The following RBM6 variants were observed in gnomAD, a reference collection of about 807,000 sequenced individuals.
RBM6 encodes RNA-binding protein 6.
A neutral mutation model predicts 140.4 loss-of-function variants in RBM6; 23 were observed. The ratio of observed to expected loss-of-function variants is 0.16; its 90% CI spans 0.12 to 0.23. The LOEUF is 0.23. Among genes scored for constraint, RBM6 ranks in the 10% least tolerant of loss-of-function variants. RBM6 has a pLI of 1.00. For synonymous variants in RBM6, 439 were observed against 475.6 expected (o/e 0.92, Z 1.00); for missense variants, 1,139 against 1,386.7 (o/e 0.82, Z 2.84).
At chr3:50,036,911 A>G (rs1395003787) in intron 6 of RBM6, among the ~76,000 whole-genome samples, 1 of 151,982 alleles carries the variant, frequency 6.6e-6, no homozygotes, top group Non-Finnish European at 1.5e-5. Flanking sequence ...CCTCCCAAGT[A>G]ATTGGGACTA....
At chr3:50,075,676 G>C (rs2090438574) in intron 20 of RBM6, among the ~76,000 whole-genome samples, 1 of 152,186 alleles carries the variant, frequency 6.6e-6, no homozygotes, top group Non-Finnish European at 1.5e-5. Context: ...ATCTCTGAGA[G>C]GGACTGTCAG....
chr3:49,975,237 T>C, intron 4 of RBM6, 86 bp from the exon 5 acceptor site: 1 of 1,154,868 alleles, frequency 8.7e-7, no homozygotes, highest in Non-Finnish European at 1.3e-6. Flanking sequence ...CTTTAAATTA[T>C]GTATGATAAA....
intron 8 of RBM6, among the ~76,000 whole-genome samples, chr3:50,057,394 C>G (rs962204360): frequency 6.6e-6 from 1 of 152,002 alleles, no homozygotes; most frequent in African/African-American, 2.4e-5. Flanking sequence ...CGAGACCAGC[C>G]TGGCCAACAT....
chr3:50,006,385 C>G (rs2086576277), intron 6 of RBM6, among the ~76,000 whole-genome samples: 1 of 152,076 alleles, frequency 6.6e-6, no homozygotes, highest in Admixed American at 6.5e-5. Flanking sequence ...ATCCGCCCGC[C>G]TCGGCCTCCC....
At chr3:50,013,398 C>T (rs1200367855) in intron 6 of RBM6, among the ~76,000 whole-genome samples, 3 of 152,142 alleles carry the variant, frequency 2.0e-5, no homozygotes, top group South Asian at 2.1e-4. Flanking sequence ...AGGCCGAACG[C>T]GGTGGCTCAC....
chr3:50,061,066 T>C, intron 12 of RBM6, 68 bp downstream of exon 12: 1 of 1,607,470 alleles, frequency 6.2e-7, no homozygotes, highest in Non-Finnish European at 8.5e-7. Context: ...ATCTTGAATT[T>C]TCTTTAGTGG....
chr3:50,014,193 T>C (rs1437681106), intron 6 of RBM6, among the ~76,000 whole-genome samples: 3 of 151,920 alleles, frequency 2.0e-5, no homozygotes, highest in Admixed American at 2.0e-4. Flanking sequence ...GGCAAGGGGG[T>C]TTGGGAATAT....
chr3:50,073,629 C>T (rs1016280079), intron 19 of RBM6, among the ~76,000 whole-genome samples: 4 of 152,194 alleles, frequency 2.6e-5, no homozygotes, highest in African/African-American at 9.6e-5. Flanking sequence ...GACTCCTACT[C>T]CCAGTCTTTG....
intron 17 of RBM6, among the ~76,000 whole-genome samples, chr3:50,068,432 A>C (rs1393627294): frequency 2.0e-5 from 3 of 152,310 alleles, no homozygotes; most frequent in African/African-American, 7.2e-5. Flanking sequence ...ATGATTTTCA[A>C]CTTAGATAAA....
At chr3:50,060,915 C>T in intron 11 of RBM6, 41 bp from the exon 12 acceptor site, 1 of 1,521,932 alleles carries the variant, frequency 6.6e-7, no homozygotes, top group Non-Finnish European at 8.8e-7. Flanking sequence ...TCAAATGCCA[C>T]TTGGTAGCAG....
intron 15 of RBM6, 88 bp downstream of exon 15, chr3:50,062,196 G>C (rs1046624500): frequency 6.9e-7 from 1 of 1,451,904 alleles, no homozygotes; most frequent in African/African-American, 1.4e-5. Context: ...GTTTGCAAGT[G>C]TAAAGTAACT....
At chr3:49,940,978 G>A (rs2083260833) in intron 1 of RBM6, 1 of 145,664 alleles carries the variant, frequency 6.9e-6, no homozygotes, top group Non-Finnish European at 1.5e-5. Context: ...CATATTCCAG[G>A]TTTGCTTGTG....
At chr3:50,023,646 TG>T (rs1454871041) in intron 6 of RBM6, among the ~76,000 whole-genome samples, 2 of 146,894 alleles carry the variant, frequency 1.4e-5, no homozygotes, top group East Asian at 4.1e-4. Flanking sequence ...ACAAATAAAA[TG>T]TTTGGTGATT....
intron 6 of RBM6, among the ~76,000 whole-genome samples, chr3:50,018,854 G>C (rs2087328584): frequency 6.6e-6 from 1 of 151,992 alleles, no homozygotes. Context: ...CTCCCAAAGT[G>C]TTGGGATTAC....
intron 6 of RBM6, among the ~76,000 whole-genome samples, chr3:50,009,332 C>A (rs1575677873): frequency 6.6e-6 from 1 of 152,240 alleles, no homozygotes; most frequent in East Asian, 1.9e-4. Flanking sequence ...GGTAGCATTG[C>A]AGGTAGTTCT....
intron 2 of RBM6, 63 bp downstream of exon 2, chr3:49,962,748 C>T (rs576539948): frequency 2.0e-4 from 270 of 1,365,400 alleles, no homozygotes; most frequent in Admixed American, 4.4e-4. Context: ...GTAACATTTT[C>T]GCCTACTATA....
chr3:49,969,117 C>T (rs2108636692), intron 3 of RBM6, among the ~76,000 whole-genome samples: 1 of 151,616 alleles, frequency 6.6e-6, no homozygotes, highest in Non-Finnish European at 1.5e-5. Context: ...CTCCGCCTCC[C>T]AGGGTCAAGC....
At chr3:50,023,059 C>A (rs2087593117) in intron 6 of RBM6, among the ~76,000 whole-genome samples, 1 of 152,068 alleles carries the variant, frequency 6.6e-6, no homozygotes. Context: ...TAAGCATGCC[C>A]CACTACATTC....
chr3:49,972,469 T>C (rs2084844149), intron 4 of RBM6, among the ~76,000 whole-genome samples: 1 of 152,198 alleles, frequency 6.6e-6, no homozygotes, highest in South Asian at 2.1e-4. Flanking sequence ...AGCATATTAT[T>C]TCTGGAGTAT....
Sources: allele counts gnomAD v4.1 joint callset (sites outside exome capture counted in the v4.1 genomes callset), GRCh38; gene constraint gnomAD v4.1.1; transcripts MANE v1.5; gene names NCBI Gene and HGNC (gene_info 2026-07-23, HGNC 2026-07-21).